The following KIAA1671 variants were observed in gnomAD, a reference collection of about 807,000 sequenced individuals.
KIAA1671 encodes KIAA1671, also known as uncharacterized protein KIAA1671.
A neutral mutation model predicts 131.2 loss-of-function variants in KIAA1671; 52 were observed. The observed-to-expected ratio is 0.40, with a 90% CI of 0.32 to 0.50. The LOEUF (loss-of-function observed/expected upper bound fraction) is 0.50, where lower values mean the gene tolerates loss of function less well. Ranked by LOEUF, KIAA1671 falls within the 20% of genes least tolerant of loss-of-function variation. The pLI is 0.73. For missense variants in KIAA1671, 2,360 were observed against 2,364.2 expected (o/e 1.00, Z 0.04); for synonymous variants, 1,003 against 961.6 (o/e 1.04, Z -0.80).
chr22:25,187,731 G>A (rs1487664282), intron 11 of KIAA1671, among the ~76,000 whole-genome samples: 6 of 152,058 alleles, frequency 3.9e-5, no homozygotes, highest in Non-Finnish European at 2.9e-5. Flanking sequence ...GGCCGGTCTC[G>A]AATTCCTGGA....
chr22:25,112,112 A>G (rs1931392579), intron 6 of KIAA1671: 1 of 398,244 alleles, frequency 2.5e-6, no homozygotes, highest in Non-Finnish European at 4.4e-6. Flanking sequence ...AGGCAAGAGG[A>G]CACTGGCGTT....
At chr22:25,107,230 A>G (rs1234580901) in intron 6 of KIAA1671, among the ~76,000 whole-genome samples, 1 of 152,012 alleles carries the variant, frequency 6.6e-6, no homozygotes, top group African/African-American at 2.4e-5. Context: ...CCCCCCCATG[A>G]CCAGGTGTCT....
intron 6 of KIAA1671, among the ~76,000 whole-genome samples, chr22:25,124,718 G>T (rs1484543742): frequency 2.0e-5 from 3 of 152,202 alleles, no homozygotes; most frequent in Non-Finnish European, 4.4e-5. Context: ...AGTATGCTAT[G>T]CTGCAGTAAC....
chr22:25,142,306 G>C (rs1932818389), intron 6 of KIAA1671, among the ~76,000 whole-genome samples: 1 of 152,152 alleles, frequency 6.6e-6, no homozygotes, highest in Admixed American at 6.5e-5. Context: ...ACACGAGAAG[G>C]GGAAAATCAG....
chr22:25,028,517 G>A lies in KIAA1671; in HGVS notation c.518G>A (p.Gly173Asp). The A allele has an allele frequency of 6.5e-7, 1 of 1,549,340 alleles. No individual in the cohort carries two copies. The highest frequency in any genetic ancestry group is 8.7e-7 in the Non-Finnish European group (1 of 1,146,176). Residue 173 changes from glycine (G) to aspartate (D), a missense_variant, in exon 3 of 13, where the codon GGC becomes GAC. Physicochemically the swap from Gly to Asp is moderately conservative, Grantham distance 94. Transcript: ENST00000358431. ...GAEEAKLGVS[G>D]SRPEVAAKPA... ...GAGGAGGCCAAGCTAGGTGTGTCCG[G>A]CTCCCGGCCTGAGGTGGCTGCCAAG...
intron 3 of KIAA1671, among the ~76,000 whole-genome samples, chr22:25,032,242 TA>T (rs1173831118): frequency 1.4e-4 from 21 of 152,232 alleles, no homozygotes; most frequent in African/African-American, 5.1e-4. Context: ...CGCCCTCACG[TA>T]GCTATTAGGG....
chr22:25,025,522 C>T (rs927326593), intron 1 of KIAA1671, 111 bp from the exon 2 acceptor site: 4 of 152,350 alleles, frequency 2.6e-5, no homozygotes, highest in South Asian at 2.1e-4. Flanking sequence ...ATACGTTTTA[C>T]AAGCTGGAGT....
Position 25,177,423 on chromosome 22 carries a change from A to G in KIAA1671, c.4975A>G (p.Ile1659Val), listed in dbSNP as rs1934072890. ...LSKRSRRRAP[I>V]SHSLRRSRFS... Reference sequence around the variant, plus strand: ...CAAGAGAAGCCGCCGCCGGGCCCCCATCTCCCACTCCCTCCGGCGCAGCCG... The same window carrying G: ...CAAGAGAAGCCGCCGCCGGGCCCCCGTCTCCCACTCCCTCCGGCGCAGCCG... The change falls in exon 9 of 13, where the codon ATC (isoleucine) becomes GTC (valine). Residue 1659 changes from isoleucine to valine, a missense_variant. Physicochemically the swap from Ile to Val is conservative, Grantham distance 29. Coordinates refer to ENST00000358431, the MANE Select transcript of KIAA1671 (RefSeq NM_001145206.2). 1.3e-6 allele frequency: 2 copies of G among 1,551,570 alleles called. No individual in the cohort carries two copies. The highest frequency in any genetic ancestry group is 2.0e-5 in the Admixed American group (1 of 50,986).
chr22:25,068,870 G>A (rs1220864048), intron 6 of KIAA1671, among the ~76,000 whole-genome samples: 3 of 152,184 alleles, frequency 2.0e-5, no homozygotes, highest in East Asian at 1.9e-4. Flanking sequence ...GCCTGGGGGC[G>A]GGAGCCTGGT....
At chr22:25,030,576 T>TA (rs1479413128) in intron 3 of KIAA1671, among the ~76,000 whole-genome samples, 2 of 151,978 alleles carry the variant, frequency 1.3e-5, no homozygotes, top group Non-Finnish European at 2.9e-5. Flanking sequence ...AAGATATTCT[T>TA]AGTCATTTGG....
intron 6 of KIAA1671, among the ~76,000 whole-genome samples, chr22:25,075,561 G>A (rs1249277245): frequency 1.3e-5 from 2 of 151,076 alleles, no homozygotes; most frequent in Non-Finnish European, 2.9e-5. Context: ...GCGTGATCTC[G>A]GCTCACTGCA....
At chr22:25,061,915 CCTT>C (rs1295055757) in intron 6 of KIAA1671, 1 of 152,332 alleles carries the variant, frequency 6.6e-6, no homozygotes, top group Non-Finnish European at 1.5e-5. Context: ...ACGGTTTGCT[CCTT>C]CTCCACTTCC....
chr22:25,184,225 C>G (rs1013502469), intron 10 of KIAA1671, among the ~76,000 whole-genome samples: 1 of 152,236 alleles, frequency 6.6e-6, no homozygotes, highest in Non-Finnish European at 1.5e-5. Flanking sequence ...TGTGTGACTT[C>G]GGGCTAGACC....
At chr22:24,994,037 C>T (rs530323275) in intron 1 of KIAA1671, among the ~76,000 whole-genome samples, 6 of 151,964 alleles carry the variant, frequency 3.9e-5, no homozygotes, top group Non-Finnish European at 7.4e-5. Context: ...GCCAAGATCA[C>T]GCCATTGCAC....
At chr22:25,162,293 G>A (rs970739782) in intron 6 of KIAA1671, among the ~76,000 whole-genome samples, 6 of 152,196 alleles carry the variant, frequency 3.9e-5, no homozygotes, top group Non-Finnish European at 5.9e-5. Flanking sequence ...GACAGAGCGT[G>A]TGTCCCCCAC....
rs889877085 is a variant in KIAA1671, at chr22:24,964,008, T to C, written c.-208+11236T>C. On this transcript the variant is annotated intron_variant, in intron 1 of 12. Coordinates refer to ENST00000358431, the MANE Select transcript of KIAA1671 (RefSeq NM_001145206.2). ...ACTCATCTTTATGCAGACCCCACTT[T>C]TGAGAATAATAATGTTATCTGTAGT... Among the ~76,000 whole-genome samples, 10 of 151,658 alleles carry C rather than the reference T, an allele frequency of 6.6e-5. No homozygotes were observed. In the East Asian group the frequency reaches 1.8e-3, roughly 27 times the overall value.
At chr22:25,115,545 A>G (rs1264850896) in intron 6 of KIAA1671, among the ~76,000 whole-genome samples, 2 of 152,212 alleles carry the variant, frequency 1.3e-5, no homozygotes, top group Non-Finnish European at 2.9e-5. Flanking sequence ...TAGCCCTGGC[A>G]TGCAGGAGGT....
chr22:24,996,710 C>T (rs981957160), intron 1 of KIAA1671, among the ~76,000 whole-genome samples: 7 of 152,138 alleles, frequency 4.6e-5, no homozygotes, highest in Non-Finnish European at 8.8e-5. Context: ...AGTAGCCCCT[C>T]GTGTCCCTTG....
intron 1 of KIAA1671, among the ~76,000 whole-genome samples, chr22:25,015,755 C>A (rs1176879079): frequency 6.6e-5 from 10 of 152,136 alleles, no homozygotes; most frequent in Admixed American, 5.9e-4. Context: ...CCCTACATCC[C>A]ATGGTCCAGG....
Sources: allele counts gnomAD v4.1 joint callset (sites outside exome capture counted in the v4.1 genomes callset), GRCh38; gene constraint gnomAD v4.1.1; transcripts MANE v1.5; gene names NCBI Gene and HGNC (gene_info 2026-07-23, HGNC 2026-07-21).